IFT122: variants seen among roughly 807,000 people sequenced by gnomAD.
IFT122 encodes intraflagellar transport protein 122 homolog.
Under a neutral mutation model 161.6 loss-of-function variants are expected in IFT122, and 118 were observed. The ratio of observed to expected loss-of-function variants is 0.73; its 90% CI spans 0.63 to 0.85. IFT122 has a LOEUF of 0.85. Among genes scored for constraint, IFT122 ranks in the 40% least tolerant of loss-of-function variants. The probability of loss-of-function intolerance (pLI) is 0.00; values close to 1 mark genes in which losing one functional copy is unlikely to be tolerated. For synonymous variants in IFT122, 550 were observed against 602.4 expected (o/e 0.91, Z 1.27); for missense variants, 1,381 against 1,579.6 (o/e 0.87, Z 2.13).
chr3:129,506,516 A>G lies in IFT122; in HGVS notation c.2758A>G (p.Met920Val). ...RFNDAAYYYW[M>V]LSMQCLDIAQ... ...TAATGATGCTGCCTATTATTACTGG[A>G]TGCTGTCCATGCAGTGCCTCGATAT... The change falls in exon 22 of 30, where the codon ATG becomes GTG. Residue 920 changes from methionine (M) to valine (V), a missense_variant. Met to Val is a conservative substitution (Grantham distance 21). Around this residue, in one of 7 missense-constraint regions of IFT122, gnomAD observed 496 missense variants for 502.5 expected, o/e 0.99. Transcript: ENST00000348417. 1.2e-6 allele frequency: 2 copies of G among 1,614,214 alleles called. No individual in the cohort carries two copies. Among genetic ancestry groups the G allele is most frequent in the South Asian group, 2.2e-5 (2 of 91,088 alleles).
chr3:129,512,571 C>T, intron 24 of IFT122, 159 bp downstream of exon 24: 1 of 695,508 alleles, frequency 1.4e-6, no homozygotes. Context: ...GCTATAGAGG[C>T]TCAGCAGGGA....
Position 129,488,244 on chromosome 3 carries a change from T to C in IFT122, c.1852-13T>C, listed in dbSNP as rs562676487. The C allele has an allele frequency of 6.8e-6, 11 of 1,614,116 alleles. No individual in the cohort carries two copies. The East Asian group carries it at 1.1e-4, about 16-fold the overall frequency. On this transcript the variant is annotated splice_polypyrimidine_tract_variant and intron_variant, in intron 15 of 29. Transcript: ENST00000348417. ...AAACAGTCTTCTTTTTTTCCCTTGA[T>C]GAAATCCTGCAGTCCGCTCCCATGT... is the stretch of plus-strand genomic sequence containing the variant.
At chr3:129,456,035 T>C in intron 3 of IFT122, 2 of 449,196 alleles carry the variant, frequency 4.5e-6, no homozygotes, top group South Asian at 1.6e-5. Flanking sequence ...CAACTGTATG[T>C]ACACATGTAC....
At chr3:129,489,510 A>G (rs1175597700) in intron 16 of IFT122, among the ~76,000 whole-genome samples, 1 of 152,178 alleles carries the variant, frequency 6.6e-6, no homozygotes, top group Non-Finnish European at 1.5e-5. Flanking sequence ...AGATGTCCTC[A>G]GTGTAGGAAA....
chr3:129,503,481 T>C (rs1256020015), intron 20 of IFT122, among the ~76,000 whole-genome samples: 1 of 152,036 alleles, frequency 6.6e-6, no homozygotes, highest in Non-Finnish European at 1.5e-5. Flanking sequence ...CTTCTATGGC[T>C]CAACCCCCAC....
At chr3:129,453,577 G>A (rs1350503566) in intron 3 of IFT122, among the ~76,000 whole-genome samples, 1 of 152,152 alleles carries the variant, frequency 6.6e-6, no homozygotes, top group Non-Finnish European at 1.5e-5. Context: ...AACCAGAGGT[G>A]GTTTTGCAAG....
At chr3:129,471,763 G>A (rs2077393782) in intron 9 of IFT122, among the ~76,000 whole-genome samples, 1 of 152,132 alleles carries the variant, frequency 6.6e-6, no homozygotes, top group South Asian at 2.1e-4. Flanking sequence ...GGATGATGAA[G>A]TAAATCAAAC....
At chr3:129,485,985 T>C (rs1161300966) in intron 15 of IFT122, among the ~76,000 whole-genome samples, 1 of 152,252 alleles carries the variant, frequency 6.6e-6, no homozygotes, top group Non-Finnish European at 1.5e-5. Flanking sequence ...CATTGTCTTG[T>C]GCAAGAACTG....
chr3:129,460,768 G>C (rs2108064458), intron 4 of IFT122: 1 of 1,025,086 alleles, frequency 9.8e-7, no homozygotes, highest in South Asian at 1.3e-5. Context: ...ACCCACAAGT[G>C]AAGGACTAAA....
intron 11 of IFT122, 115 bp downstream of exon 11, chr3:129,476,916 T>C (rs2078011500): frequency 1.6e-6 from 2 of 1,265,664 alleles, no homozygotes; most frequent in Non-Finnish European, 1.1e-6. Context: ...TTTGCAAACC[T>C]GTTAGCCACT....
In IFT122 at chr3:129,495,728, G is replaced by A. The variant is rs1010891967; in HGVS notation, c.2208+121G>A. On this transcript the variant is annotated intron_variant, in intron 18 of 29. Coordinates refer to ENST00000348417, the MANE Select transcript of IFT122 (RefSeq NM_052989.3). ...CAAAAACTAGCAATGGTCTCAGAAA[G>A]GATGTGGGGAAACTGGTAAACAAAG... 11 of 1,174,154 alleles carry A rather than the reference G, an allele frequency of 9.4e-6. No individual in the cohort carries two copies. In the African/African-American group the frequency reaches 1.7e-4, roughly 18 times the overall value. 72.7% of individuals were successfully genotyped at this position (1,174,154 alleles called of 1,614,324 possible). A position where few individuals can be genotyped will look rare whatever the true frequency, so the allele number is the denominator to read the frequency against.
At chr3:129,473,118 TAGAG>T (rs2077537080) in intron 9 of IFT122, among the ~76,000 whole-genome samples, 1 of 152,148 alleles carries the variant, frequency 6.6e-6, no homozygotes, top group South Asian at 2.1e-4. Context: ...CTGGGCTACA[TAGAG>T]AGACTCCATC....
At chr3:129,502,255 T>C (rs2081642903) in intron 19 of IFT122, among the ~76,000 whole-genome samples, 1 of 152,222 alleles carries the variant, frequency 6.6e-6, no homozygotes, top group Non-Finnish European at 1.5e-5. Flanking sequence ...TCCGTGAGAA[T>C]TCCTGCACCC....
At position 129,449,401 on chromosome 3, in the gene IFT122, C is replaced by T. The variant is rs370706554; in HGVS notation, c.42-470C>T. On this transcript the variant is annotated intron_variant, in intron 1 of 29. Transcript: ENST00000348417. ...TTAGAATTGATGACATATGGTAGTT[C>T]TTTGTGAAAGTGTCTGTTTCACACC... Among the ~76,000 whole-genome samples, 7 of 152,234 alleles carry T rather than the reference C, an allele frequency of 4.6e-5. No homozygotes were observed. In the East Asian group the frequency reaches 1.4e-3, roughly 29 times the overall value.
At chr3:129,518,253 G>A (rs1457920261) in intron 27 of IFT122, among the ~76,000 whole-genome samples, 1 of 152,358 alleles carries the variant, frequency 6.6e-6, no homozygotes, top group East Asian at 1.9e-4. Context: ...TGAAAGCCCC[G>A]GGGCACAGCT....
chr3:129,459,876 C>G (rs1007492013), intron 4 of IFT122, among the ~76,000 whole-genome samples: 2 of 151,864 alleles, frequency 1.3e-5, no homozygotes, highest in East Asian at 3.9e-4. Flanking sequence ...ACTTCAGCTT[C>G]CCAAATAGCT....
At chr3:129,496,912 C>A (rs1023919482) in intron 18 of IFT122, among the ~76,000 whole-genome samples, 1 of 152,176 alleles carries the variant, frequency 6.6e-6, no homozygotes, top group South Asian at 2.1e-4. Flanking sequence ...CTTAAGGGAT[C>A]AAGACCCTAG....
chr3:129,483,673 G>A lies in IFT122; in HGVS notation c.1842G>A (p.Glu614=), dbSNP rs150498947. The A allele has an allele frequency of 3.8e-6, 6 of 1,594,282 alleles. No homozygotes were observed. ...CLHVFSISAV[E]VPQSAPMYQY... Reference sequence around the variant, plus strand: ...ATGTCTTCTCCATTTCTGCCGTGGAGGTGCCGCAGGTAACTGGGGGTGCCT... The same window carrying A: ...ATGTCTTCTCCATTTCTGCCGTGGAAGTGCCGCAGGTAACTGGGGGTGCCT... The change falls in exon 15 of 30, where the codon GAG becomes GAA. Residue 614 remains glutamate (E), a synonymous_variant. Coordinates refer to ENST00000348417, the MANE Select transcript of IFT122 (RefSeq NM_052989.3).
At chr3:129,459,744 T>TC (rs762948237) in intron 4 of IFT122, among the ~76,000 whole-genome samples, 10 of 98,628 alleles carry the variant, frequency 1.0e-4, no homozygotes, top group African/African-American at 1.7e-4. Context: ...CTCCCTCCCT[T>TC]CTTCCTTCCT....
Sources: allele counts gnomAD v4.1 joint callset (sites outside exome capture counted in the v4.1 genomes callset), GRCh38; gene constraint gnomAD v4.1.1; regional missense constraint gnomAD v4.1.1; transcripts MANE v1.5; gene names NCBI Gene and HGNC (gene_info 2026-07-23, HGNC 2026-07-21).